Variants in RAB31 observed in about 807,000 individuals in gnomAD.
The protein encoded by RAB31 is ras-related protein Rab-31.
RAB31 carries 21 observed loss-of-function variants against 25.6 expected under a neutral mutation model. The observed-to-expected ratio is 0.82, with a 90% confidence interval of 0.58 to 1.18. The LOEUF (loss-of-function observed/expected upper bound fraction) is 1.18, where lower values mean the gene tolerates loss of function less well. Among genes scored for constraint, RAB31 ranks in the 50% most tolerant of loss-of-function variants. The pLI is 0.00. For synonymous variants in RAB31, 87 were observed against 84.0 expected (o/e 1.04, Z -0.20); for missense variants, 196 against 250.1 (o/e 0.78, Z 1.46).
chr18:9,765,436 A>C (rs1225615305), intron 1 of RAB31, among the ~76,000 whole-genome samples: 1 of 152,202 alleles, frequency 6.6e-6, no homozygotes, highest in Non-Finnish European at 1.5e-5. Context: ...CCCCAAAAGG[A>C]ATCTTATAGA....
At position 9,857,622 on chromosome 18, in the gene RAB31, A is replaced by G. The variant is rs139134771; in HGVS notation, c.491-1606A>G. ...ATTACTGGTTCCTTAGCAAATGAAT[A>G]CACTAACTAGCCAATAATATAGATA... On this transcript the variant is annotated intron_variant, in intron 6 of 6. Coordinates refer to ENST00000578921, the MANE Select transcript of RAB31 (RefSeq NM_006868.4). Among the ~76,000 whole-genome samples the G allele has an allele frequency of 3.0e-3, 459 of 151,868 alleles. 3 individuals are homozygous for G. Among genetic ancestry groups the G allele is most frequent in the African/African-American group, 0.01 (430 of 41,380 alleles).
At chr18:9,843,812 G>T (rs756168989) in intron 5 of RAB31, among the ~76,000 whole-genome samples, 2 of 152,276 alleles carry the variant, frequency 1.3e-5, no homozygotes, top group African/African-American at 4.8e-5. Context: ...AGAGGCTGGG[G>T]CCATCGCCTT....
At chr18:9,729,592 T>G (rs935934826) in intron 1 of RAB31, among the ~76,000 whole-genome samples, 8 of 152,288 alleles carry the variant, frequency 5.3e-5, no homozygotes, top group African/African-American at 1.9e-4. Flanking sequence ...TTTTACATTT[T>G]AAATTATTTG....
chr18:9,826,721 C>G (rs1463556195), intron 5 of RAB31, among the ~76,000 whole-genome samples: 1 of 152,208 alleles, frequency 6.6e-6, no homozygotes, highest in South Asian at 2.1e-4. Flanking sequence ...GTTCGACTCC[C>G]TTATATCCAG....
intron 6 of RAB31, among the ~76,000 whole-genome samples, chr18:9,852,348 G>C (rs1403359305): frequency 3.3e-5 from 5 of 152,128 alleles, no homozygotes; most frequent in Non-Finnish European, 7.4e-5. Context: ...AACAGTCAGT[G>C]GTCAAATTTC....
intron 3 of RAB31, among the ~76,000 whole-genome samples, chr18:9,796,404 G>A (rs2068487351): frequency 6.6e-6 from 1 of 152,078 alleles, no homozygotes; most frequent in African/African-American, 2.4e-5. Context: ...ATAAAATAAA[G>A]CTAAAAGAAG....
At chr18:9,733,611 A>C (rs762673602) in intron 1 of RAB31, among the ~76,000 whole-genome samples, 6 of 151,930 alleles carry the variant, frequency 3.9e-5, no homozygotes, top group Non-Finnish European at 7.4e-5. Flanking sequence ...GCCTCATTCC[A>C]TTTTCCTGGG....
chr18:9,779,267 T>C (rs920677702), intron 2 of RAB31, among the ~76,000 whole-genome samples: 4 of 152,300 alleles, frequency 2.6e-5, no homozygotes, highest in Admixed American at 1.3e-4. Context: ...AAATTTATAC[T>C]ATGTAGAAAT....
chr18:9,719,041 T>C (rs1339953805), intron 1 of RAB31, among the ~76,000 whole-genome samples: 2 of 151,574 alleles, frequency 1.3e-5, no homozygotes, highest in African/African-American at 4.8e-5. Context: ...AAGCCAAGGA[T>C]GGTGGCTCAC....
At chr18:9,774,636 G>A (rs2068362655) in intron 1 of RAB31, among the ~76,000 whole-genome samples, 1 of 152,136 alleles carries the variant, frequency 6.6e-6, no homozygotes, top group Admixed American at 6.6e-5. Context: ...CACTTTACAA[G>A]GGCTTTGGAA....
At position 9,793,982 on chromosome 18, in the gene RAB31, G is replaced by A. The variant is rs555142939; in HGVS notation, c.201+1747G>A. On this transcript the variant is annotated intron_variant, in intron 3 of 6. Transcript: ENST00000578921. ...GTCTTGCTCTGTCACCCAGGCTGGA[G>A]TGCAGTGGTGCAATCACAGCTCACC... is the stretch of plus-strand genomic sequence containing the variant. 2.0e-5 allele frequency among the ~76,000 whole-genome samples: 3 copies of A among 152,278 alleles called. No homozygotes were observed. In the South Asian group the frequency reaches 6.2e-4, roughly 32 times the overall value.
intron 6 of RAB31, 71 bp from the exon 7 acceptor site, chr18:9,859,156 AG>A: frequency 7.7e-7 from 1 of 1,294,692 alleles, no homozygotes; most frequent in African/African-American, 1.5e-5. Context: ...GTGTTGAAGC[AG>A]GGTGAAAATC....
intron 2 of RAB31, chr18:9,787,597 C>A: frequency 5.9e-6 from 1 of 169,540 alleles, no homozygotes. Context: ...GAGAAGCCTT[C>A]CAAATGAAAT....
At chr18:9,791,643 G>T (rs4798857) in intron 2 of RAB31, among the ~76,000 whole-genome samples, 82,283 of 151,148 alleles carry the variant, frequency 0.54, 22,607 homozygotes, top group South Asian at 0.62. Flanking sequence ...ACCTGGGCTG[G>T]AGTACCATGG....
intron 1 of RAB31, 60 bp from the exon 2 acceptor site, chr18:9,775,218 C>T (rs375545118): frequency 9.3e-6 from 15 of 1,610,090 alleles, no homozygotes; most frequent in Non-Finnish European, 1.3e-5. Flanking sequence ...GGTCAGTTAA[C>T]CTCACAACCT....
At chr18:9,814,919 A>G in intron 4 of RAB31, 197 bp from the exon 5 acceptor site, 1 of 410,470 alleles carries the variant, frequency 2.4e-6, no homozygotes, top group Non-Finnish European at 4.4e-6. Flanking sequence ...TTTTAATTTT[A>G]GAAAACTTGA....
chr18:9,834,425 G>A (rs1222580459), intron 5 of RAB31, among the ~76,000 whole-genome samples: 1 of 152,102 alleles, frequency 6.6e-6, no homozygotes, highest in East Asian at 1.9e-4. Flanking sequence ...CCAGTATGCA[G>A]CCTTTTAATA....
rs537434498 is a variant in RAB31 at position 9,846,763 on chromosome 18, A to G, written c.490+1072A>G. On this transcript the variant is annotated intron_variant, in intron 6 of 6. Coordinates refer to ENST00000578921, the MANE Select transcript of RAB31 (RefSeq NM_006868.4). ...GCATTACTTTAGACTCCAAGAACCC[A>G]CAGGAGGGAATCTTTTGTTTATGTT... is the stretch of plus-strand genomic sequence containing the variant. 1.4e-4 allele frequency among the ~76,000 whole-genome samples: 22 copies of G among 152,336 alleles called. No individual in the cohort carries two copies. The South Asian group carries it at 4.1e-3, about 29-fold the overall frequency.
intron 1 of RAB31, among the ~76,000 whole-genome samples, chr18:9,721,102 G>A (rs1288264331): frequency 5.3e-5 from 8 of 152,082 alleles, no homozygotes; most frequent in Non-Finnish European, 1.5e-5. Flanking sequence ...TCAAAATGGG[G>A]TCTAGGAAAG....
Sources: allele counts gnomAD v4.1 joint callset (sites outside exome capture counted in the v4.1 genomes callset), GRCh38; gene constraint gnomAD v4.1.1; transcripts MANE v1.5; gene names NCBI Gene and HGNC (gene_info 2026-07-23, HGNC 2026-07-21).